Variants in AHCYL2 observed in about 807,000 individuals in gnomAD.
The protein encoded by AHCYL2 is S-adenosylhomocysteine hydrolase-like protein 2.
AHCYL2 carries 28 observed loss-of-function variants against 81.4 expected under a neutral mutation model. The observed-to-expected ratio is 0.34, with a 90% CI of 0.25 to 0.47. The LOEUF (loss-of-function observed/expected upper bound fraction) is 0.47. Ranked by LOEUF, AHCYL2 falls within the 20% of genes least tolerant of loss-of-function variation. The pLI is 1.00. For missense variants in AHCYL2, 551 were observed against 785.1 expected, an observed-to-expected ratio of 0.70 and a Z score of 3.56; for synonymous variants, 272 against 290.2, an observed-to-expected ratio of 0.94 and a Z score of 0.64.
intron 1 of AHCYL2, among the ~76,000 whole-genome samples, chr7:129,293,723 CAATT>C (rs1796953477): frequency 6.6e-6 from 1 of 151,694 alleles, no homozygotes; most frequent in Admixed American, 6.6e-5. Flanking sequence ...AAAATTGCAA[CAATT>C]AATTTAAGTT....
intron 1 of AHCYL2, among the ~76,000 whole-genome samples, chr7:129,337,989 C>T (rs1044552608): frequency 6.6e-6 from 1 of 152,214 alleles, no homozygotes. Context: ...GGTGATCCAC[C>T]TGCCTTGGCC....
chr7:129,334,862 A>G (rs552281191), intron 1 of AHCYL2, among the ~76,000 whole-genome samples: 14 of 152,366 alleles, frequency 9.2e-5, no homozygotes, highest in African/African-American at 3.4e-4. Flanking sequence ...AAAGAAAGGA[A>G]GAAGAAGATA....
At position 129,401,348 on chromosome 7, in the gene AHCYL2, C is replaced by CT. The variant is rs398040080; in HGVS notation, c.918+964_918+965insT. On this transcript the variant is annotated intron_variant, in intron 6 of 16. Coordinates refer to ENST00000325006, the MANE Select transcript of AHCYL2 (RefSeq NM_015328.4). ...ATGCCCCCATCCCAGTGCCCCCCCC[C>CT]AAAAAAGCTACACAAAGTATAAGGT... Among the ~76,000 whole-genome samples the CT allele has an allele frequency of 4.2e-4, 59 of 141,188 alleles. 1 individual carries two copies. Among genetic ancestry groups the CT allele is most frequent in the Middle Eastern group, 7.6e-3 (2 of 262 alleles). 92.6% of individuals were successfully genotyped at this position (141,188 alleles called of 152,430 possible).
At position 129,225,082 on chromosome 7, in the gene AHCYL2, G is replaced by C. The variant is rs773600486; in HGVS notation, c.6G>C (p.Ser2=). 15 of 1,592,860 alleles carry C rather than the reference G, an allele frequency of 9.4e-6. 1 individual carries two copies. Among genetic ancestry groups the C allele is most frequent in the Admixed American group, 7.0e-5 (4 of 57,452 alleles). ...TGGTTGCAGCGGAGGCGGTGATGTC[G>C]GTGCAGGTTGTGTCAGCCGCGGCTG... M[S]VQVVSAAAAA... is the part of the protein sequence containing the mutation. Residue 2 remains serine (S), a synonymous_variant, in exon 1 of 17, where the codon TCG becomes TCC. Coordinates refer to ENST00000325006, the MANE Select transcript of AHCYL2 (RefSeq NM_015328.4).
intron 1 of AHCYL2, among the ~76,000 whole-genome samples, chr7:129,266,008 G>GT (rs1795800205): frequency 6.6e-6 from 1 of 152,200 alleles, no homozygotes; most frequent in African/African-American, 2.4e-5. Context: ...CAGAACAACT[G>GT]TAAGTATAAA....
At chr7:129,404,633 C>T (rs1326128228) in intron 7 of AHCYL2, among the ~76,000 whole-genome samples, 1 of 152,214 alleles carries the variant, frequency 6.6e-6, no homozygotes, top group Non-Finnish European at 1.5e-5. Context: ...TGAGATCACA[C>T]CATTGCTCTC....
rs566073944 is a variant in AHCYL2 at position 129,428,685 on chromosome 7, T to G, written c.*1640T>G. 6.6e-6 allele frequency: 1 copy of G among 152,362 alleles called. No individual in the cohort carries two copies. The highest frequency in any genetic ancestry group is 2.1e-4 in the South Asian group (1 of 4,820). The allele number at this position is 152,362 out of a possible 1,614,324, so 9.4% of individuals were successfully genotyped here. On this transcript the variant is annotated 3_prime_UTR_variant, in exon 17 of 17. Coordinates refer to ENST00000325006, the MANE Select transcript of AHCYL2 (RefSeq NM_015328.4). Reference sequence around the variant, plus strand: ...TACCTCTACCCTCTCCAACTTCTCCTGGTCTTCACATATACTCTCAAAGCT... The same window carrying G: ...TACCTCTACCCTCTCCAACTTCTCCGGGTCTTCACATATACTCTCAAAGCT...
chr7:129,314,729 G>A (rs749956282), intron 1 of AHCYL2, among the ~76,000 whole-genome samples: 1 of 152,198 alleles, frequency 6.6e-6, no homozygotes, highest in Non-Finnish European at 1.5e-5. Flanking sequence ...TGGGATGGGA[G>A]TGGGGTGGGG....
intron 2 of AHCYL2, 125 bp from the exon 3 acceptor site, chr7:129,388,931 C>T (rs898811598): frequency 8.5e-5 from 91 of 1,066,926 alleles, no homozygotes; most frequent in South Asian, 7.9e-4. Flanking sequence ...CCTGCAGGTA[C>T]TTAACAGAGG....
At chr7:129,234,555 T>G (rs548302184) in intron 1 of AHCYL2, among the ~76,000 whole-genome samples, 27 of 152,234 alleles carry the variant, frequency 1.8e-4, no homozygotes, top group Admixed American at 1.2e-3. Context: ...TGGGGTCTCT[T>G]GCTATGTTGC....
chr7:129,295,779 G>T (rs192658192), intron 1 of AHCYL2, among the ~76,000 whole-genome samples: 2 of 152,184 alleles, frequency 1.3e-5, no homozygotes, highest in Non-Finnish European at 2.9e-5. Flanking sequence ...GAGGGTTAAT[G>T]CATGCTCTTA....
At chr7:129,275,800 T>C (rs985608061) in intron 1 of AHCYL2, among the ~76,000 whole-genome samples, 14 of 152,090 alleles carry the variant, frequency 9.2e-5, no homozygotes, top group African/African-American at 3.1e-4. Context: ...ATGGAAAAAT[T>C]TAACATGTCT....
At chr7:129,388,134 G>A (rs904778382) in intron 2 of AHCYL2, 6 of 152,152 alleles carry the variant, frequency 3.9e-5, no homozygotes, top group Admixed American at 1.3e-4. Context: ...GATACAAAGC[G>A]TTTTCTAGAG....
chr7:129,288,364 A>G (rs117026553), intron 1 of AHCYL2, among the ~76,000 whole-genome samples: 3,754 of 151,986 alleles, frequency 0.025, 78 homozygotes, highest in Admixed American at 0.058. Context: ...TTTTAATTTA[A>G]TTTTATTTTA....
At chr7:129,313,778 G>A (rs183134627) in intron 1 of AHCYL2, among the ~76,000 whole-genome samples, 1 of 152,306 alleles carries the variant, frequency 6.6e-6, no homozygotes. Flanking sequence ...TACCATAGTT[G>A]ATTGGTTTTA....
intron 1 of AHCYL2, among the ~76,000 whole-genome samples, chr7:129,293,880 G>C (rs960674522): frequency 6.6e-6 from 1 of 152,106 alleles, no homozygotes; most frequent in Non-Finnish European, 1.5e-5. Flanking sequence ...TTAAGACTTG[G>C]ATGTGATTTG....
chr7:129,403,481 C>T lies in AHCYL2; in HGVS notation c.1021C>T (p.His341Tyr), dbSNP rs368385003. 1 of 1,599,876 alleles carries T rather than the reference C, an allele frequency of 6.3e-7. No individual in the cohort carries two copies. Among genetic ancestry groups the T allele is most frequent in the African/African-American group, 1.3e-5 (1 of 74,236 alleles). The change falls in exon 7 of 17, where the codon CAC (histidine) becomes TAC (tyrosine). Residue 341 changes from histidine to tyrosine, a missense_variant. Physicochemically the swap from His to Tyr is moderately conservative, Grantham distance 83. This residue lies in a region of AHCYL2 where 316 missense variants were observed against 543.1 expected (regional missense o/e 0.58). Transcript: ENST00000325006. ...AGTAGAGGAGAGTGTTACTGGAGTT[C>T]ACAGGTAAGATTTGACATGGGCATA... is the stretch of plus-strand genomic sequence containing the variant. ...GIVEESVTGV[H>Y]RLYQLSKAGK...
chr7:129,377,530 C>T (rs1463355720), intron 1 of AHCYL2: 1 of 456,618 alleles, frequency 2.2e-6, no homozygotes, highest in Admixed American at 2.3e-5. Context: ...CATTAGTTAC[C>T]TCTAACTGCA....
chr7:129,252,508 T>C (rs1795278029), intron 1 of AHCYL2, among the ~76,000 whole-genome samples: 1 of 152,236 alleles, frequency 6.6e-6, no homozygotes, highest in Non-Finnish European at 1.5e-5. Flanking sequence ...GGCTCACCTC[T>C]GTAATCCCAG....
Sources: allele counts gnomAD v4.1 joint callset (sites outside exome capture counted in the v4.1 genomes callset), GRCh38; gene constraint gnomAD v4.1.1; regional missense constraint gnomAD v4.1.1; transcripts MANE v1.5; gene names NCBI Gene and HGNC (gene_info 2026-07-23, HGNC 2026-07-21).